The following SCPEP1 variants were observed in gnomAD, a reference collection of about 807,000 sequenced individuals.
The protein encoded by SCPEP1 is serine carboxypeptidase 1.
In SCPEP1, 51 loss-of-function variants were observed where a neutral mutation model predicts 63.8. The observed-to-expected ratio is 0.80, with a 90% CI of 0.64 to 1.01. The LOEUF is 1.01. Ranked by LOEUF, SCPEP1 falls within the 50% of genes least tolerant of loss-of-function variation. The pLI is 0.00. For synonymous variants in SCPEP1, 204 were observed against 207.8 expected, an observed-to-expected ratio of 0.98 and a Z score of 0.16; for missense variants, 499 against 554.9, an observed-to-expected ratio of 0.90 and a Z score of 1.01.
chr17:56,979,265 A>G (rs2144458980), intron 1 of SCPEP1, among the ~76,000 whole-genome samples: 1 of 152,290 alleles, frequency 6.6e-6, no homozygotes, highest in South Asian at 2.1e-4. Context: ...CCCGGACTGC[A>G]GACACAGGCC....
At chr17:57,003,362 G>A (rs1389714849) in intron 12 of SCPEP1, among the ~76,000 whole-genome samples, 3 of 152,142 alleles carry the variant, frequency 2.0e-5, no homozygotes, top group Non-Finnish European at 4.4e-5. Context: ...GCAGTAGAGG[G>A]CATGGGGCAA....
At chr17:56,990,819 G>C (rs1911373285) in intron 5 of SCPEP1, among the ~76,000 whole-genome samples, 1 of 152,028 alleles carries the variant, frequency 6.6e-6, no homozygotes, top group East Asian at 1.9e-4. Flanking sequence ...TTTTTTTGTA[G>C]AGATGGGGTT....
chr17:56,998,291 CAG>C (rs981245126), intron 9 of SCPEP1, 92 bp from the exon 10 acceptor site: 9 of 805,444 alleles, frequency 1.1e-5, no homozygotes, highest in Admixed American at 2.3e-5. Flanking sequence ...AGCCTGGAGA[CAG>C]AGAGAGATTC....
At position 56,995,595 on chromosome 17, in the gene SCPEP1, C is replaced by A; in HGVS notation, c.746C>A (p.Ala249Asp). 1.2e-6 allele frequency: 2 copies of A among 1,614,002 alleles called. No homozygotes were observed. The highest frequency in any genetic ancestry group is 2.2e-5 in the South Asian group (2 of 91,062). Residue 249 changes from alanine (A) to aspartate (D), a missense_variant, in exon 8 of 13, where the codon GCC (alanine) becomes GAC (aspartate). Ala to Asp is a moderately radical substitution (Grantham distance 126). Transcript: ENST00000262288. Reference sequence around the variant, plus strand: ...GTAAATAAGGGGCTCTACAGAGAGGCCACAGAGCTGTGGGGGAAAGCAGAA... The same window carrying A: ...GTAAATAAGGGGCTCTACAGAGAGGACACAGAGCTGTGGGGGAAAGCAGAA... ...NAVNKGLYRE[A>D]TELWGKAEMI...
chr17:57,003,238 G>A (rs1157925486), intron 12 of SCPEP1, among the ~76,000 whole-genome samples: 1 of 152,146 alleles, frequency 6.6e-6, no homozygotes, highest in Non-Finnish European at 1.5e-5. Context: ...GAGGGAGGTG[G>A]CTGCAGAGGG....
rs9907844 is a variant in SCPEP1, at chr17:56,981,023, T to C, written c.77-59T>C. 1.5e-3 allele frequency: 2,443 copies of C among 1,592,504 alleles called. 28 individuals are homozygous for C. The African/African-American group carries it at 0.03, about 19-fold the overall frequency. On this transcript the variant is annotated intron_variant, in intron 1 of 12. Transcript: ENST00000262288. ...CTAGCATGGCTGTCTCTACCAGGCT[T>C]GGAATTTACCTGTACATTAGGCACT... is the stretch of plus-strand genomic sequence containing the variant.
intron 6 of SCPEP1, among the ~76,000 whole-genome samples, chr17:56,994,165 C>T (rs1911478249): frequency 6.6e-6 from 1 of 152,154 alleles, no homozygotes; most frequent in South Asian, 2.1e-4. Flanking sequence ...GGACTTAGTT[C>T]CTGCAGAACT....
At chr17:56,995,448 AATACCAG>A in intron 7 of SCPEP1, 52 bp from the exon 8 acceptor site, 1 of 1,579,464 alleles carries the variant, frequency 6.3e-7, no homozygotes, top group Non-Finnish European at 8.6e-7. Flanking sequence ...TAACTGCAGC[AATACCAG>A]ATTGACGTTC....
At chr17:56,978,265 C>T in intron 1 of SCPEP1, 30 bp downstream of exon 1, 2 of 1,511,190 alleles carry the variant, frequency 1.3e-6, no homozygotes, top group Non-Finnish European at 1.8e-6. Context: ...GCACCAGCTG[C>T]CATGCCTCTT....
At chr17:57,004,253 G>A (rs937006463) in intron 12 of SCPEP1, among the ~76,000 whole-genome samples, 2 of 152,212 alleles carry the variant, frequency 1.3e-5, no homozygotes, top group East Asian at 3.9e-4. Context: ...AACTGGGCGC[G>A]GTGGCGCCTG....
At chr17:56,989,664 C>T (rs1404063726) in intron 5 of SCPEP1, among the ~76,000 whole-genome samples, 1 of 152,018 alleles carries the variant, frequency 6.6e-6, no homozygotes, top group Non-Finnish European at 1.5e-5. Flanking sequence ...AGAATGGATC[C>T]AGGCGGGCGC....
intron 8 of SCPEP1, among the ~76,000 whole-genome samples, chr17:56,996,298 G>A (rs1038402991): frequency 1.6e-4 from 25 of 151,992 alleles, no homozygotes; most frequent in Non-Finnish European, 2.9e-5. Flanking sequence ...TCTGCCTCCT[G>A]GGCTCAAGTG....
chr17:56,996,895 C>A, intron 8 of SCPEP1, 67 bp from the exon 9 acceptor site: 2 of 1,000,766 alleles, frequency 2.0e-6, no homozygotes, highest in Non-Finnish European at 1.5e-6. Flanking sequence ...AGCCATGTGT[C>A]CTTCTGTTTG....
rs758963835 is a variant in SCPEP1, at chr17:56,991,134, G to A, written c.582G>A (p.Ala194=). The A allele has an allele frequency of 2.1e-5, 34 of 1,613,946 alleles. No individual in the cohort carries two copies. Among genetic ancestry groups the A allele is most frequent in the Admixed American group, 1.2e-4 (7 of 59,990 alleles). ...GAGGGACCATCAAGTGCAACTTTGC[G>A]GGGGTTGCCTTGGGTGATTCCTGGA... ...IQRGTIKCNF[A]GVALGDSWIS... Residue 194 remains alanine (A), a synonymous_variant, in exon 6 of 13, where the codon GCG becomes GCA. Transcript: ENST00000262288.
intron 7 of SCPEP1, 117 bp from the exon 8 acceptor site, chr17:56,995,390 A>G: frequency 9.4e-7 from 1 of 1,068,004 alleles, no homozygotes; most frequent in Non-Finnish European, 1.4e-6. Context: ...ACACTTTGAT[A>G]TGTGAGCTCC....
At chr17:56,998,234 C>T (rs1468854013) in intron 9 of SCPEP1, 151 bp from the exon 10 acceptor site, 4 of 537,362 alleles carry the variant, frequency 7.4e-6, no homozygotes, top group African/African-American at 3.9e-5. Flanking sequence ...TCGCTTGAAC[C>T]CAGGAGGCGG....
chr17:57,000,262 G>A (rs1482831758), intron 10 of SCPEP1, among the ~76,000 whole-genome samples: 1 of 152,194 alleles, frequency 6.6e-6, no homozygotes, highest in African/African-American at 2.4e-5. Flanking sequence ...CCTTGGCAGT[G>A]ACTAGCAAAT....
chr17:56,981,004 T>A, intron 1 of SCPEP1, 78 bp from the exon 2 acceptor site: 1 of 1,506,638 alleles, frequency 6.6e-7, no homozygotes, highest in Non-Finnish European at 9.2e-7. Context: ...TAGCCTAGCA[T>A]GGCTGTCTCT....
At chr17:56,999,637 T>TCCTG (rs2144505460) in intron 10 of SCPEP1, among the ~76,000 whole-genome samples, 1 of 152,258 alleles carries the variant, frequency 6.6e-6, no homozygotes, top group African/African-American at 2.4e-5. Flanking sequence ...TTTTCATTAC[T>TCCTG]CCTGAGTGCT....
Sources: allele counts gnomAD v4.1 joint callset (sites outside exome capture counted in the v4.1 genomes callset), GRCh38; gene constraint gnomAD v4.1.1; transcripts MANE v1.5; gene names NCBI Gene and HGNC (gene_info 2026-07-23, HGNC 2026-07-21).